NINJ2: variants seen among roughly 807,000 people sequenced by gnomAD.
The protein encoded by NINJ2 is ninjurin 2.
A neutral mutation model predicts 11.7 loss-of-function variants in NINJ2; 12 were observed. That is an observed-to-expected ratio of 1.02 (90% CI 0.66 to 1.66). The LOEUF (loss-of-function observed/expected upper bound fraction) is 1.66, where lower values mean the gene tolerates loss of function less well. NINJ2 is among the 40% of genes most tolerant of loss of function. NINJ2 has a pLI of 0.00. For missense variants in NINJ2, 187 were observed against 181.8 expected (o/e 1.03, Z -0.16); for synonymous variants, 93 against 76.8 (o/e 1.21, Z -1.10).
chr12:660,532 G>T (rs1364193845), intron 1 of NINJ2, among the ~76,000 whole-genome samples: 1 of 151,650 alleles, frequency 6.6e-6, no homozygotes, highest in Admixed American at 6.6e-5. Flanking sequence ...GTAGAGACAG[G>T]GTTTCACTAT....
intron 1 of NINJ2, among the ~76,000 whole-genome samples, chr12:622,435 GGAAA>G (rs921179385): frequency 3.9e-4 from 42 of 108,426 alleles, no homozygotes; most frequent in African/African-American, 1.4e-3. Flanking sequence ...AAAAAAAAAA[GGAAA>G]GAAAGAAAGA....
At chr12:588,898 C>G (rs541468769) in intron 1 of NINJ2, among the ~76,000 whole-genome samples, 1 of 152,308 alleles carries the variant, frequency 6.6e-6, no homozygotes, top group East Asian at 1.9e-4. Context: ...TAAGCAAGCA[C>G]TTTCACGTCC....
At chr12:569,021 A>G (rs922309196) in intron 1 of NINJ2, among the ~76,000 whole-genome samples, 2 of 152,180 alleles carry the variant, frequency 1.3e-5, no homozygotes, top group African/African-American at 4.8e-5. Context: ...CACGAAAGGA[A>G]TGGAGTGCTC....
At chr12:599,139 T>C (rs1947829762) in intron 1 of NINJ2, among the ~76,000 whole-genome samples, 2 of 150,424 alleles carry the variant, frequency 1.3e-5, no homozygotes, top group Admixed American at 1.3e-4. Context: ...CCCAGCACTT[T>C]GGGAGGCCGA....
chr12:636,576 T>C (rs1297870522), intron 1 of NINJ2, among the ~76,000 whole-genome samples: 1 of 151,472 alleles, frequency 6.6e-6, no homozygotes, highest in African/African-American at 2.4e-5. Context: ...GGAACTAGGG[T>C]AGACATTTCT....
chr12:569,070 G>T (rs1477000736), intron 1 of NINJ2, among the ~76,000 whole-genome samples: 1 of 152,208 alleles, frequency 6.6e-6, no homozygotes. Flanking sequence ...GATTTTGCTG[G>T]GGCCGGGGTT....
chr12:606,310 G>A (rs947127629), intron 1 of NINJ2, among the ~76,000 whole-genome samples: 5 of 151,938 alleles, frequency 3.3e-5, no homozygotes, highest in Non-Finnish European at 1.5e-5. Context: ...ATAGAAAGTA[G>A]AACAAAAAGA....
chr12:579,405 CT>C (rs1322812947), intron 1 of NINJ2, among the ~76,000 whole-genome samples: 1 of 152,216 alleles, frequency 6.6e-6, no homozygotes, highest in South Asian at 2.1e-4. Flanking sequence ...CCCGAAGCCC[CT>C]GTGAAAGAAA....
chr12:567,041 G>C (rs926464518), intron 1 of NINJ2, among the ~76,000 whole-genome samples: 14 of 152,246 alleles, frequency 9.2e-5, no homozygotes, highest in African/African-American at 3.4e-4. Flanking sequence ...AACAGACTGG[G>C]CCAGGAAGGG....
chr12:584,241 GGAGAGAA>G (rs1565624222), intron 1 of NINJ2, among the ~76,000 whole-genome samples: 1 of 152,198 alleles, frequency 6.6e-6, no homozygotes, highest in African/African-American at 2.4e-5. Context: ...ACAGGGATGG[GGAGAGAA>G]TCGTTTCCTG....
chr12:609,326 G>A, intron 1 of NINJ2, among the ~76,000 whole-genome samples: 1 of 123,734 alleles, frequency 8.1e-6, no homozygotes, highest in East Asian at 2.2e-4. Flanking sequence ...GGTGCTGAAC[G>A]CACACGCACG....
intron 1 of NINJ2, among the ~76,000 whole-genome samples, chr12:568,863 G>A (rs766062973): frequency 2.4e-4 from 35 of 147,364 alleles, no homozygotes; most frequent in Admixed American, 4.2e-4. Flanking sequence ...GCGGTGCTTG[G>A]GGCTGTGAGG....
At position 577,442 on chromosome 12, in the gene NINJ2, T is replaced by TATAA. The variant is rs1282940614; in HGVS notation, c.34-11265_34-11264insTTAT. Among the ~76,000 whole-genome samples the TATAA allele has an allele frequency of 2.1e-5, 3 of 142,440 alleles. No individual in the cohort carries two copies. In the East Asian group the frequency reaches 5.9e-4, roughly 28 times the overall value. The allele number at this position is 142,440 out of a possible 152,430, so 93.4% of individuals were successfully genotyped here. A position where few individuals can be genotyped will look rare whatever the true frequency, so the allele number is the denominator to read the frequency against. On this transcript the variant is annotated intron_variant, in intron 1 of 3. Coordinates refer to ENST00000305108, the MANE Select transcript of NINJ2 (RefSeq NM_016533.6). Reference sequence around the variant, plus strand: ...ATATATATATATACATATATATATATAAATATTTTGGCACGATCTTGGCTC... The same window carrying TATAA: ...ATATATATATATACATATATATATATATAAAAATATTTTGGCACGATCTTGGCTC...
At chr12:638,947 G>C (rs1948388455) in intron 1 of NINJ2, among the ~76,000 whole-genome samples, 1 of 152,122 alleles carries the variant, frequency 6.6e-6, no homozygotes, top group South Asian at 2.1e-4. Context: ...TCCATAGTAA[G>C]TAATACTCTG....
rs371639318 is a variant in NINJ2, at chr12:615,231, T to G, written c.33+48097A>C. ...GTGCTAAATGAGAACACCTTATATTTACCAAGAGGAGCATGATTTTTTTAA... is the reference window on the plus strand; with the variant it reads ...GTGCTAAATGAGAACACCTTATATTGACCAAGAGGAGCATGATTTTTTTAA... On this transcript the variant is annotated intron_variant, in intron 1 of 3. Coordinates refer to ENST00000305108, the MANE Select transcript of NINJ2 (RefSeq NM_016533.6). 9.5e-4 allele frequency among the ~76,000 whole-genome samples: 145 copies of G among 152,336 alleles called. 1 individual carries two copies. The highest frequency in any genetic ancestry group is 3.4e-3 in the African/African-American group (142 of 41,580).
intron 1 of NINJ2, among the ~76,000 whole-genome samples, chr12:584,275 C>G (rs1947602166): frequency 6.6e-6 from 1 of 152,182 alleles, no homozygotes; most frequent in Admixed American, 6.5e-5. Flanking sequence ...TGCGGTGGCT[C>G]ACACCTTTAA....
intron 1 of NINJ2, among the ~76,000 whole-genome samples, chr12:600,666 GT>G (rs1947855110): frequency 1.6e-5 from 1 of 60,690 alleles, no homozygotes; most frequent in African/African-American, 4.1e-5. Flanking sequence ...GTGTGTGTGT[GT>G]GTGTGTGTGT....
chr12:662,409 C>A (rs1048611289), intron 1 of NINJ2, among the ~76,000 whole-genome samples: 2 of 147,444 alleles, frequency 1.4e-5, no homozygotes, highest in Non-Finnish European at 3.0e-5. Context: ...ACACAGAGAA[C>A]GAGAGAGAGA....
chr12:608,250 A>G (rs1947964874), intron 1 of NINJ2, among the ~76,000 whole-genome samples: 1 of 152,184 alleles, frequency 6.6e-6, no homozygotes, highest in Admixed American at 6.5e-5. Context: ...ATCTTATCCT[A>G]TTCAGCAACA....
Sources: gnomAD v4.1 joint callset for allele counts (sites outside exome capture counted in the v4.1 genomes callset) on GRCh38, gnomAD v4.1.1 for gene constraint, MANE v1.5 for transcripts, NCBI Gene and HGNC (gene_info 2026-07-23, HGNC 2026-07-21) for gene names.